The following KANSL1L variants were observed in gnomAD, a reference collection of about 807,000 sequenced individuals.
KANSL1L encodes KAT8 regulatory NSL complex subunit 1 like, also known as KAT8 regulatory NSL complex subunit 1-like protein.
In KANSL1L, 25 loss-of-function variants were observed where a neutral mutation model predicts 108.6. That is an observed-to-expected ratio of 0.23 (90% confidence interval 0.17 to 0.32). The LOEUF is 0.32. Ranked by LOEUF, KANSL1L falls within the 10% of genes least tolerant of loss-of-function variation. The pLI, the probability that KANSL1L is intolerant of heterozygous loss-of-function variation, is 1.00. For missense variants in KANSL1L, 1,137 were observed against 1,125.7 expected, an observed-to-expected ratio of 1.01 and a Z score of -0.14; for synonymous variants, 405 against 395.1, an observed-to-expected ratio of 1.03 and a Z score of -0.30.
At chr2:210,138,556 T>C (rs981317623) in intron 2 of KANSL1L, among the ~76,000 whole-genome samples, 1 of 152,232 alleles carries the variant, frequency 6.6e-6, no homozygotes, top group African/African-American at 2.4e-5. Flanking sequence ...TAGATTTGTC[T>C]AAGGAAGCTT....
At chr2:210,060,748 T>C (rs906502268) in intron 6 of KANSL1L, among the ~76,000 whole-genome samples, 2 of 152,126 alleles carry the variant, frequency 1.3e-5, no homozygotes, top group Admixed American at 1.3e-4. Flanking sequence ...ATTTGAAGAA[T>C]ACCATGAGAA....
At chr2:210,081,844 A>C (rs1456279512) in intron 5 of KANSL1L, among the ~76,000 whole-genome samples, 2 of 152,226 alleles carry the variant, frequency 1.3e-5, no homozygotes, top group Non-Finnish European at 2.9e-5. Context: ...GCTCTATTAA[A>C]TAGAAGGCTA....
chr2:210,081,937 G>C (rs1035284385), intron 5 of KANSL1L, among the ~76,000 whole-genome samples: 8 of 152,184 alleles, frequency 5.3e-5, no homozygotes, highest in African/African-American at 1.7e-4. Context: ...ACAAAGTTAG[G>C]GTTTTTTGTT....
chr2:210,113,882 T>G (rs2094930911), intron 3 of KANSL1L, among the ~76,000 whole-genome samples: 1 of 151,938 alleles, frequency 6.6e-6, no homozygotes, highest in African/African-American at 2.4e-5. Flanking sequence ...AATAATCAAG[T>G]GCAAAGCATA....
chr2:210,154,706 G>C (rs2095323864), intron 1 of KANSL1L, 95 bp from the exon 2 acceptor site: 1 of 596,026 alleles, frequency 1.7e-6, no homozygotes, highest in Admixed American at 3.8e-5. Flanking sequence ...TTTCTGATTA[G>C]AACATGAAGG....
chr2:210,089,533 AAAG>A (rs1256502461), intron 5 of KANSL1L, among the ~76,000 whole-genome samples: 1 of 152,208 alleles, frequency 6.6e-6, no homozygotes, highest in Non-Finnish European at 1.5e-5. Flanking sequence ...AATTTAAAAT[AAAG>A]AAGTGAGGTG....
intron 6 of KANSL1L, among the ~76,000 whole-genome samples, chr2:210,065,733 G>A (rs781384905): frequency 7.2e-5 from 11 of 151,836 alleles, no homozygotes; most frequent in African/African-American, 1.9e-4. Context: ...TTACAGATGC[G>A]CACCACCACG....
chr2:210,049,929 A>G (rs1222506395), intron 6 of KANSL1L, among the ~76,000 whole-genome samples: 2 of 152,246 alleles, frequency 1.3e-5, no homozygotes, highest in Non-Finnish European at 2.9e-5. Flanking sequence ...GAAATGAACA[A>G]CAAATGAGGT....
chr2:210,091,272 A>G (rs764717903), intron 5 of KANSL1L, among the ~76,000 whole-genome samples: 3 of 152,198 alleles, frequency 2.0e-5, no homozygotes, highest in Admixed American at 6.5e-5. Context: ...TTTAGGATGA[A>G]TAATGTCATT....
chr2:210,141,190 TTC>T (rs1169095137), intron 2 of KANSL1L, among the ~76,000 whole-genome samples: 2 of 149,792 alleles, frequency 1.3e-5, no homozygotes, highest in Non-Finnish European at 3.0e-5. Flanking sequence ...TTCTCTCCCT[TTC>T]TCTTTTTCTT....
chr2:210,154,657 T>G (rs2095323581), intron 1 of KANSL1L, 46 bp from the exon 2 acceptor site: 2 of 1,244,778 alleles, frequency 1.6e-6, no homozygotes, highest in Non-Finnish European at 2.1e-6. Context: ...GAAAAAAATT[T>G]TATGCTTATA....
At chr2:210,133,086 T>A (rs777992553) in intron 2 of KANSL1L, among the ~76,000 whole-genome samples, 1 of 152,146 alleles carries the variant, frequency 6.6e-6, no homozygotes, top group Non-Finnish European at 1.5e-5. Flanking sequence ...TATTGACATG[T>A]ACTTGTTCAT....
At chr2:210,030,064 G>GA in intron 9 of KANSL1L, 146 bp from the exon 10 acceptor site, 2 of 445,634 alleles carry the variant, frequency 4.5e-6, no homozygotes, top group Non-Finnish European at 7.9e-6. Context: ...AAAAGGAAAT[G>GA]AAAAAAGAGG....
rs1325029834 is a variant in KANSL1L, at chr2:210,021,925, C to CAAAG, written c.*1020_*1023dup. On this transcript the variant is annotated 3_prime_UTR_variant, in exon 15 of 15. Coordinates refer to ENST00000281772, the MANE Select transcript of KANSL1L (RefSeq NM_152519.4). ...TTTATTTGAATAGAGTAAGCTATGG[C>CAAAG]AAAGAATGACCAAATTAGCTAGAAA... 1 of 149,506 alleles carries CAAAG rather than the reference C, an allele frequency of 6.7e-6. No homozygotes were observed. The highest frequency in any genetic ancestry group is 1.5e-5 in the Non-Finnish European group (1 of 67,466). 9.3% of individuals were successfully genotyped at this position (149,506 alleles called of 1,614,324 possible).
intron 6 of KANSL1L, among the ~76,000 whole-genome samples, chr2:210,069,347 C>A (rs887679974): frequency 5.3e-5 from 8 of 152,164 alleles, no homozygotes; most frequent in Non-Finnish European, 1.2e-4. Flanking sequence ...ATAACAGCAG[C>A]TTTGTCTTTC....
chr2:210,067,295 T>C (rs2094473145), intron 6 of KANSL1L, among the ~76,000 whole-genome samples: 1 of 152,218 alleles, frequency 6.6e-6, no homozygotes. Context: ...TCTTCTCTTA[T>C]ATATCTATAT....
At chr2:210,096,995 G>C (rs2094742806) in intron 5 of KANSL1L, 2 of 180,358 alleles carry the variant, frequency 1.1e-5, no homozygotes, top group Admixed American at 1.3e-4. Context: ...CCAGGCTGGA[G>C]TGCAGTGGTG....
intron 2 of KANSL1L, among the ~76,000 whole-genome samples, chr2:210,150,745 G>A (rs1320693193): frequency 1.3e-5 from 2 of 149,652 alleles, no homozygotes; most frequent in Admixed American, 1.3e-4. Flanking sequence ...TCGTGCCATT[G>A]CACTCCAGCG....
chr2:210,092,439 C>A lies in KANSL1L; in HGVS notation c.1550+5647G>T, dbSNP rs538342453. 5.9e-5 allele frequency among the ~76,000 whole-genome samples: 9 copies of A among 152,320 alleles called. No individual in the cohort carries two copies. The East Asian group carries it at 1.7e-3, about 29-fold the overall frequency. On this transcript the variant is annotated intron_variant, in intron 5 of 14. Coordinates refer to ENST00000281772, the MANE Select transcript of KANSL1L (RefSeq NM_152519.4). ...TCTCTCTTCAACTGTGTCCAGTTTGCTGCAGAAACCACTTACTTAGTTATT... is the reference window on the plus strand; with the variant it reads ...TCTCTCTTCAACTGTGTCCAGTTTGATGCAGAAACCACTTACTTAGTTATT...
Sources: allele counts gnomAD v4.1 joint callset (sites outside exome capture counted in the v4.1 genomes callset), GRCh38; gene constraint gnomAD v4.1.1; transcripts MANE v1.5; gene names NCBI Gene and HGNC (gene_info 2026-07-23, HGNC 2026-07-21).